BICC1: variants seen among roughly 807,000 people sequenced by gnomAD.
BICC1 encodes the protein protein bicaudal C homolog 1.
Under a neutral mutation model 111.0 loss-of-function variants are expected in BICC1, and 43 were observed. That is an observed-to-expected ratio of 0.39 (90% CI 0.30 to 0.50). The LOEUF is 0.50. Ranked by LOEUF, BICC1 falls within the 20% of genes least tolerant of loss-of-function variation. The probability of loss-of-function intolerance (pLI) is 0.88; values close to 1 mark genes in which losing one functional copy is unlikely to be tolerated. For synonymous variants in BICC1, 467 were observed against 434.4 expected, an observed-to-expected ratio of 1.07 and a Z score of -0.93; for missense variants, 1,091 against 1,203.2, an observed-to-expected ratio of 0.91 and a Z score of 1.38.
intron 3 of BICC1, chr10:58,715,549 G>A (rs1840713274): frequency 6.6e-7 from 1 of 1,507,352 alleles, no homozygotes; most frequent in Non-Finnish European, 9.2e-7. Flanking sequence ...GCTCAGTCCA[G>A]CACCATGGGG....
intron 2 of BICC1, among the ~76,000 whole-genome samples, chr10:58,640,489 C>T (rs533737644): frequency 6.6e-6 from 1 of 152,186 alleles, no homozygotes; most frequent in Non-Finnish European, 1.5e-5. Context: ...ATGGACTGCC[C>T]TTCTTCCCTT....
chr10:58,525,661 A>G (rs1302441601), intron 1 of BICC1, among the ~76,000 whole-genome samples: 1 of 146,664 alleles, frequency 6.8e-6, no homozygotes, highest in Non-Finnish European at 1.5e-5. Context: ...ATGTATACAT[A>G]TGTAACTAAC....
At chr10:58,661,635 T>G (rs545186982) in intron 2 of BICC1, among the ~76,000 whole-genome samples, 1 of 152,306 alleles carries the variant, frequency 6.6e-6, no homozygotes, top group African/African-American at 2.4e-5. Flanking sequence ...ATATGCTGTG[T>G]TCGGGTTGTG....
chr10:58,575,630 G>A (rs1055505044), intron 1 of BICC1, among the ~76,000 whole-genome samples: 1 of 151,814 alleles, frequency 6.6e-6, no homozygotes, highest in African/African-American at 2.4e-5. Flanking sequence ...GCTATGTTGG[G>A]TAGGCTCTCC....
chr10:58,800,177 T>C lies in BICC1; in HGVS notation c.1726-17T>C. 3 of 1,549,312 alleles carry C rather than the reference T, an allele frequency of 1.9e-6. No homozygotes were observed. The highest frequency in any genetic ancestry group is 2.7e-6 in the Non-Finnish European group (3 of 1,131,356). ...ATTGTGACCATATTTATACATTATTTTCTATTATTATTTTAGTCTCCAGAT... is the reference window on the plus strand; with the variant it reads ...ATTGTGACCATATTTATACATTATTCTCTATTATTATTTTAGTCTCCAGAT... On this transcript the variant is annotated splice_polypyrimidine_tract_variant and intron_variant, in intron 12 of 20. Transcript: ENST00000373886.
At chr10:58,638,347 T>A (rs1212000800) in intron 2 of BICC1, among the ~76,000 whole-genome samples, 2 of 152,082 alleles carry the variant, frequency 1.3e-5, no homozygotes, top group Non-Finnish European at 2.9e-5. Flanking sequence ...AAAAAACAGC[T>A]TAAAAATGTC....
In BICC1 at chr10:58,693,700, A is replaced by G. The variant is rs1589029874; in HGVS notation, c.238-8374A>G. ...GTTCATATCCTTTGCCCGCTTTTTG[A>G]TGGGGTTGTTTGTTTTTTTCTTGTA... On this transcript the variant is annotated intron_variant, in intron 2 of 20. Coordinates refer to ENST00000373886, the MANE Select transcript of BICC1 (RefSeq NM_001080512.3). Among the ~76,000 whole-genome samples, 4 of 151,824 alleles carry G rather than the reference A, an allele frequency of 2.6e-5. 1 individual carries two copies. Among genetic ancestry groups the G allele is most frequent in the Admixed American group, 2.6e-4 (4 of 15,244 alleles).
intron 3 of BICC1, among the ~76,000 whole-genome samples, chr10:58,745,602 GC>G (rs35346412): frequency 7.6e-4 from 60 of 78,722 alleles, no homozygotes; most frequent in African/African-American, 2.9e-3. Context: ...GCCCCCCACC[GC>G]CCCCCCCCCA....
rs374704562 is a variant in BICC1 at position 58,756,025 on chromosome 10, C to T, written c.308-28976C>T. ...CTGGATTTATTTATTCTGTCCCTTA[C>T]ATTTCTTTATACATTTGCCTCTTCT... On this transcript the variant is annotated intron_variant, in intron 3 of 20. Transcript: ENST00000373886. 3.3e-5 allele frequency among the ~76,000 whole-genome samples: 5 copies of T among 152,276 alleles called. No homozygotes were observed. In the East Asian group the frequency reaches 9.7e-4, roughly 29 times the overall value.
intron 1 of BICC1, among the ~76,000 whole-genome samples, chr10:58,604,157 G>A (rs1353416578): frequency 6.6e-6 from 1 of 152,038 alleles, no homozygotes; most frequent in Admixed American, 6.6e-5. Context: ...CACATGGATG[G>A]TTCACTTAAT....
In BICC1 at chr10:58,722,748, A is replaced by C. The variant is rs924811149; in HGVS notation, c.307+20605A>C. Among the ~76,000 whole-genome samples the C allele has an allele frequency of 2.0e-5, 3 of 152,230 alleles. No individual in the cohort carries two copies. The East Asian group carries it at 5.8e-4, about 29-fold the overall frequency. On this transcript the variant is annotated intron_variant, in intron 3 of 20. Transcript: ENST00000373886. ...GAAAGAAGATGGTAATAGATAGGGTAGTTTCTTGGTGCATCAGTGGGTTGA... is the reference window on the plus strand; with the variant it reads ...GAAAGAAGATGGTAATAGATAGGGTCGTTTCTTGGTGCATCAGTGGGTTGA...
chr10:58,722,718 C>T (rs553266855), intron 3 of BICC1, among the ~76,000 whole-genome samples: 140 of 152,220 alleles, frequency 9.2e-4, no homozygotes, highest in African/African-American at 3.2e-3. Flanking sequence ...AGGATACCTA[C>T]CTATGAAAGA....
At chr10:58,801,150 A>G in intron 14 of BICC1, 104 bp downstream of exon 14, 1 of 993,354 alleles carries the variant, frequency 1.0e-6, no homozygotes, top group Non-Finnish European at 1.4e-6. Flanking sequence ...GTTTGATCTC[A>G]TCCATGGGTG....
intron 1 of BICC1, among the ~76,000 whole-genome samples, chr10:58,531,415 C>A (rs1025133726): frequency 1.3e-5 from 2 of 151,830 alleles, no homozygotes; most frequent in Admixed American, 6.6e-5. Flanking sequence ...CCGCCAGAAT[C>A]TCTAGCTGGG....
intron 2 of BICC1, among the ~76,000 whole-genome samples, chr10:58,642,649 C>G (rs1250525168): frequency 7.1e-6 from 1 of 141,734 alleles, no homozygotes; most frequent in Non-Finnish European, 1.5e-5. Context: ...CACATATGCT[C>G]CTGACAATAT....
At chr10:58,697,726 T>C (rs1013110999) in intron 2 of BICC1, among the ~76,000 whole-genome samples, 1 of 152,208 alleles carries the variant, frequency 6.6e-6, no homozygotes, top group Non-Finnish European at 1.5e-5. Flanking sequence ...CCATGCCACT[T>C]GCAGGAGATG....
intron 3 of BICC1, among the ~76,000 whole-genome samples, chr10:58,706,099 G>A (rs939010760): frequency 1.3e-5 from 2 of 152,146 alleles, no homozygotes; most frequent in Non-Finnish European, 2.9e-5. Flanking sequence ...TACTAGAACA[G>A]TCTCCTTTAC....
intron 2 of BICC1, among the ~76,000 whole-genome samples, chr10:58,661,742 G>A (rs1432089261): frequency 6.6e-6 from 1 of 152,034 alleles, no homozygotes. Context: ...AGTCATTGGA[G>A]GATAACAGTG....
intron 1 of BICC1, among the ~76,000 whole-genome samples, chr10:58,587,124 C>T (rs748973833): frequency 6.6e-6 from 1 of 152,164 alleles, no homozygotes; most frequent in Non-Finnish European, 1.5e-5. Context: ...TCAGGTGCCT[C>T]ATGCATATTT....
Sources: gnomAD v4.1 joint callset for allele counts (sites outside exome capture counted in the v4.1 genomes callset) on GRCh38, gnomAD v4.1.1 for gene constraint, MANE v1.5 for transcripts, NCBI Gene and HGNC (gene_info 2026-07-23, HGNC 2026-07-21) for gene names.